MCTP1: variants seen among roughly 807,000 people sequenced by gnomAD.
The protein encoded by MCTP1 is multiple C2 and transmembrane domain containing 1.
MCTP1 carries 69 observed loss-of-function variants against 120.6 expected under a neutral mutation model. That is an observed-to-expected ratio of 0.57 (90% CI 0.47 to 0.70). The LOEUF is 0.70. Ranked by LOEUF, MCTP1 falls within the 30% of genes least tolerant of loss-of-function variation. The probability of loss-of-function intolerance (pLI) is 0.00; values close to 1 mark genes in which losing one functional copy is unlikely to be tolerated. For missense variants in MCTP1, 1,203 were observed against 1,248.8 expected (o/e 0.96, Z 0.55); for synonymous variants, 529 against 493.1 (o/e 1.07, Z -0.96).
At chr5:94,876,320 A>T (rs1187123444) in intron 12 of MCTP1, among the ~76,000 whole-genome samples, 1 of 152,024 alleles carries the variant, frequency 6.6e-6, no homozygotes, top group Non-Finnish European at 1.5e-5. Context: ...AGGCCCTCTG[A>T]TAGGCTGCTC....
Position 95,112,913 on chromosome 5 carries a change from T to G in MCTP1, c.721-95429A>C, listed in dbSNP as rs578120147. On this transcript the variant is annotated intron_variant, in intron 1 of 22. Coordinates refer to ENST00000515393, the MANE Select transcript of MCTP1 (RefSeq NM_024717.7). Reference sequence around the variant, plus strand: ...TTCACTTATTGTTCTCAATATCAACTGCTTATATAGTTATATACTTTTAAA... The same window carrying G: ...TTCACTTATTGTTCTCAATATCAACGGCTTATATAGTTATATACTTTTAAA... Among the ~76,000 whole-genome samples the G allele has an allele frequency of 8.5e-5, 13 of 152,350 alleles. No individual in the cohort carries two copies. In the East Asian group the frequency reaches 2.3e-3, roughly 27 times the overall value.
intron 20 of MCTP1, among the ~76,000 whole-genome samples, chr5:94,711,154 G>C (rs1191774291): frequency 1.3e-5 from 2 of 152,078 alleles, no homozygotes; most frequent in African/African-American, 4.8e-5. Context: ...GATTGTTCCA[G>C]GTGACTTCAG....
chr5:95,060,872 T>C (rs1748780319), intron 1 of MCTP1, among the ~76,000 whole-genome samples: 1 of 148,462 alleles, frequency 6.7e-6, no homozygotes, highest in African/African-American at 2.5e-5. Flanking sequence ...CTCAGGAGGC[T>C]GAGGCAGGAG....
chr5:95,063,883 G>T (rs1035307852), intron 1 of MCTP1, among the ~76,000 whole-genome samples: 4 of 152,078 alleles, frequency 2.6e-5, no homozygotes, highest in Non-Finnish European at 5.9e-5. Context: ...CACAAAAGTT[G>T]TTACCTCAGC....
chr5:95,095,005 G>GTTT (rs1562138448), intron 1 of MCTP1, among the ~76,000 whole-genome samples: 1 of 79,538 alleles, frequency 1.3e-5, no homozygotes, highest in African/African-American at 5.0e-5. Context: ...TGTTATGTTA[G>GTTT]ATTTTTTTTT....
intron 1 of MCTP1, among the ~76,000 whole-genome samples, chr5:95,067,225 G>C (rs975675793): frequency 5.9e-5 from 9 of 152,184 alleles, no homozygotes; most frequent in African/African-American, 2.2e-4. Context: ...TGCACAGCAG[G>C]GTGAGTATAA....
chr5:94,838,295 G>A (rs561882101), intron 17 of MCTP1, among the ~76,000 whole-genome samples: 94 of 152,328 alleles, frequency 6.2e-4, no homozygotes, highest in African/African-American at 2.2e-3. Context: ...CAAAAGGACA[G>A]TCATTTAGCT....
At chr5:95,242,852 T>C (rs1304915935) in intron 1 of MCTP1, among the ~76,000 whole-genome samples, 1 of 152,206 alleles carries the variant, frequency 6.6e-6, no homozygotes, top group African/African-American at 2.4e-5. Context: ...CACGTCACAA[T>C]TCATTAAGCT....
At chr5:94,747,537 A>G (rs1767199835) in intron 19 of MCTP1, among the ~76,000 whole-genome samples, 1 of 152,196 alleles carries the variant, frequency 6.6e-6, no homozygotes, top group African/African-American at 2.4e-5. Flanking sequence ...GCAGCCGTAG[A>G]TAGTAAGAAA....
chr5:94,949,233 G>GT (rs1213908306), intron 3 of MCTP1, among the ~76,000 whole-genome samples: 2 of 152,038 alleles, frequency 1.3e-5, no homozygotes, highest in African/African-American at 4.8e-5. Flanking sequence ...TGGGATAATA[G>GT]TGTCAGTGAA....
chr5:95,118,932 A>G (rs1758007890), intron 1 of MCTP1, among the ~76,000 whole-genome samples: 1 of 152,252 alleles, frequency 6.6e-6, no homozygotes, highest in South Asian at 2.1e-4. Flanking sequence ...CAATAAAATA[A>G]TAGCTGGAGA....
chr5:94,783,481 G>A (rs1777002730), intron 18 of MCTP1, among the ~76,000 whole-genome samples: 1 of 151,992 alleles, frequency 6.6e-6, no homozygotes, highest in South Asian at 2.1e-4. Flanking sequence ...TATTTGACTG[G>A]AAATGTTAAT....
intron 1 of MCTP1, among the ~76,000 whole-genome samples, chr5:95,026,429 G>C (rs1168511174): frequency 6.6e-6 from 1 of 151,800 alleles, no homozygotes; most frequent in Non-Finnish European, 1.5e-5. Flanking sequence ...TTAACCCTCC[G>C]CTCTTCCCCT....
intron 1 of MCTP1, among the ~76,000 whole-genome samples, chr5:95,274,832 C>T (rs1759695849): frequency 6.6e-6 from 1 of 152,006 alleles, no homozygotes; most frequent in Non-Finnish European, 1.5e-5. Context: ...ATCATGTTAG[C>T]CAGGATGGTC....
At chr5:95,008,500 C>T (rs1044036190) in intron 2 of MCTP1, among the ~76,000 whole-genome samples, 16 of 152,086 alleles carry the variant, frequency 1.1e-4, no homozygotes, top group African/African-American at 3.6e-4. Context: ...GGGAGACTGG[C>T]TTTGTCAGTC....
chr5:94,745,003 C>T (rs1464636886), intron 19 of MCTP1, among the ~76,000 whole-genome samples: 1 of 152,170 alleles, frequency 6.6e-6, no homozygotes, highest in African/African-American at 2.4e-5. Context: ...ATAACCATTG[C>T]TTTTAAGATG....
intron 1 of MCTP1, among the ~76,000 whole-genome samples, chr5:95,144,676 T>C (rs1170030798): frequency 6.6e-6 from 1 of 152,190 alleles, no homozygotes; most frequent in Non-Finnish European, 1.5e-5. Context: ...ATTTCACCAT[T>C]GCTCATTTTT....
At chr5:95,110,273 C>G (rs1185728601) in intron 1 of MCTP1, among the ~76,000 whole-genome samples, 1 of 151,966 alleles carries the variant, frequency 6.6e-6, no homozygotes, top group East Asian at 1.9e-4. Flanking sequence ...AAAGCAGCCA[C>G]CCAGCCAGCG....
intron 2 of MCTP1, among the ~76,000 whole-genome samples, chr5:94,953,655 A>G (rs1009816816): frequency 6.6e-6 from 1 of 150,742 alleles, no homozygotes; most frequent in Non-Finnish European, 1.5e-5. Context: ...AGGAAAAGAA[A>G]TCATTTTATC....
Sources: gnomAD v4.1 joint callset for allele counts (sites outside exome capture counted in the v4.1 genomes callset) on GRCh38, gnomAD v4.1.1 for gene constraint, MANE v1.5 for transcripts, NCBI Gene and HGNC (gene_info 2026-07-23, HGNC 2026-07-21) for gene names.